MGMT: variants seen among roughly 807,000 people sequenced by gnomAD.
The protein encoded by MGMT is methylated-DNA--protein-cysteine methyltransferase.
Under a neutral mutation model 15.9 loss-of-function variants are expected in MGMT, and 14 were observed. The ratio of observed to expected loss-of-function variants is 0.88; its 90% CI spans 0.58 to 1.37. The LOEUF (loss-of-function observed/expected upper bound fraction) is 1.37. Among genes scored for constraint, MGMT ranks in the 40% most tolerant of loss-of-function variants. The pLI is 0.00. For missense variants in MGMT, 282 were observed against 268.1 expected, an observed-to-expected ratio of 1.05 and a Z score of -0.36; for synonymous variants, 130 against 118.2, an observed-to-expected ratio of 1.10 and a Z score of -0.65.
At chr10:129,512,952 G>A (rs917282831) in intron 1 of MGMT, among the ~76,000 whole-genome samples, 4 of 152,144 alleles carry the variant, frequency 2.6e-5, no homozygotes, top group Non-Finnish European at 4.4e-5. Context: ...TTGTACACTG[G>A]TGTTCATAGC....
At chr10:129,582,328 G>A (rs1564859291) in intron 2 of MGMT, among the ~76,000 whole-genome samples, 1 of 152,232 alleles carries the variant, frequency 6.6e-6, no homozygotes, top group Non-Finnish European at 1.5e-5. Context: ...CAGTGAATTA[G>A]TTCAGAGAGT....
At chr10:129,579,542 A>C (rs1021446849) in intron 2 of MGMT, among the ~76,000 whole-genome samples, 2 of 152,248 alleles carry the variant, frequency 1.3e-5, no homozygotes, top group African/African-American at 4.8e-5. Context: ...TTAAGGCAGG[A>C]CATCTTTAGG....
intron 3 of MGMT, among the ~76,000 whole-genome samples, chr10:129,742,421 C>G (rs527881745): frequency 2.0e-5 from 3 of 151,672 alleles, no homozygotes; most frequent in Non-Finnish European, 4.4e-5. Flanking sequence ...GCCCCAGGAC[C>G]GCAGCAGCCC....
intron 3 of MGMT, among the ~76,000 whole-genome samples, chr10:129,710,336 T>A (rs1848217615): frequency 6.6e-6 from 1 of 152,206 alleles, no homozygotes; most frequent in Non-Finnish European, 1.5e-5. Context: ...CGACAGCCGC[T>A]CACATCCTTC....
chr10:129,666,160 T>G (rs1024194258), intron 2 of MGMT, among the ~76,000 whole-genome samples: 2 of 152,184 alleles, frequency 1.3e-5, no homozygotes, highest in Non-Finnish European at 2.9e-5. Flanking sequence ...TATACTGGTG[T>G]TCTCTGTATT....
At chr10:129,496,519 T>G (rs566238940) in intron 1 of MGMT, among the ~76,000 whole-genome samples, 17 of 152,284 alleles carry the variant, frequency 1.1e-4, no homozygotes, top group African/African-American at 4.1e-4. Context: ...AATGTCTAAA[T>G]AAAATACTGG....
chr10:129,622,869 C>T (rs1847105782), intron 2 of MGMT, among the ~76,000 whole-genome samples: 1 of 152,172 alleles, frequency 6.6e-6, no homozygotes, highest in Non-Finnish European at 1.5e-5. Flanking sequence ...TGAGTAGCCC[C>T]TGGAATGTTG....
At chr10:129,766,644 A>G (rs1589983776) in intron 4 of MGMT, 144 bp from the exon 5 acceptor site, 2 of 689,602 alleles carry the variant, frequency 2.9e-6, no homozygotes, top group Admixed American at 3.0e-5. Context: ...CATAGCTGAC[A>G]CCCACCCATG....
chr10:129,633,119 A>C (rs1239645295), intron 2 of MGMT, among the ~76,000 whole-genome samples: 1 of 152,218 alleles, frequency 6.6e-6, no homozygotes, highest in African/African-American at 2.4e-5. Flanking sequence ...TCTTGTGACC[A>C]TATACATACA....
chr10:129,600,513 A>G (rs558098154), intron 2 of MGMT, among the ~76,000 whole-genome samples: 1 of 152,274 alleles, frequency 6.6e-6, no homozygotes, highest in Non-Finnish European at 1.5e-5. Flanking sequence ...CTGGGCAGAC[A>G]TGCCGACTGT....
At chr10:129,567,592 G>A (rs540665285) in intron 2 of MGMT, among the ~76,000 whole-genome samples, 8 of 151,752 alleles carry the variant, frequency 5.3e-5, no homozygotes, top group Non-Finnish European at 5.9e-5. Context: ...TTATTCAAGG[G>A]GAAAAAAAAC....
rs1401586024 is a variant in MGMT at position 129,566,489 on chromosome 10, GAGC to G, written c.125+30113_125+30115del. ...GTCCCACCAGGATGATGCCTATCCA[GAGC>G]TCATTGTCCTCTCCCACTTCCTCCC... On this transcript the variant is annotated intron_variant, in intron 2 of 4. Coordinates refer to ENST00000651593, the MANE Select transcript of MGMT (RefSeq NM_002412.5). This position sits in a 1 kb window ranked among gnomAD's most constrained non-coding sequence, Gnocchi z 4.1. 2.0e-5 allele frequency among the ~76,000 whole-genome samples: 3 copies of G among 152,138 alleles called. No individual in the cohort carries two copies. Among genetic ancestry groups the G allele is most frequent in the Non-Finnish European group, 2.9e-5 (2 of 68,028 alleles).
At chr10:129,608,881 G>C (rs531840807) in intron 2 of MGMT, among the ~76,000 whole-genome samples, 126 of 152,352 alleles carry the variant, frequency 8.3e-4, no homozygotes, top group African/African-American at 1.7e-3. Context: ...GCGGAGTGTG[G>C]TGACTTTTAT....
At chr10:129,585,826 A>G (rs1305587277) in intron 2 of MGMT, among the ~76,000 whole-genome samples, 1 of 152,192 alleles carries the variant, frequency 6.6e-6, no homozygotes, top group Non-Finnish European at 1.5e-5. Context: ...TTTACTTTGT[A>G]AACTAGCCCA....
chr10:129,643,153 C>T (rs1847347646), intron 2 of MGMT, among the ~76,000 whole-genome samples: 1 of 152,100 alleles, frequency 6.6e-6, no homozygotes, highest in Non-Finnish European at 1.5e-5. Context: ...TTCCCCTTCA[C>T]CTTCATCCTT....
At chr10:129,628,159 C>T (rs920843058) in intron 2 of MGMT, among the ~76,000 whole-genome samples, 3 of 152,248 alleles carry the variant, frequency 2.0e-5, no homozygotes, top group South Asian at 2.1e-4. Context: ...TGTTTTCTAC[C>T]GAAGATGCTT....
rs1302975819 is a variant in MGMT at position 129,533,583 on chromosome 10, G to C, written c.-12-2658G>C. On this transcript the variant is annotated intron_variant, in intron 1 of 4. Transcript: ENST00000651593. This position sits in a 1 kb window ranked among gnomAD's most constrained non-coding sequence, Gnocchi z 4.5. ...GCGAGAGAGCATCCAGATTTCTCACGTTGCCTCTAGAGCCCTGTTGTCTGA... is the reference window on the plus strand; with the variant it reads ...GCGAGAGAGCATCCAGATTTCTCACCTTGCCTCTAGAGCCCTGTTGTCTGA... 6.6e-6 allele frequency among the ~76,000 whole-genome samples: 1 copy of C among 152,184 alleles called. No homozygotes were observed. The highest frequency in any genetic ancestry group is 2.4e-5 in the African/African-American group (1 of 41,440).
At chr10:129,712,803 A>G (rs1364725893) in intron 3 of MGMT, among the ~76,000 whole-genome samples, 2 of 152,136 alleles carry the variant, frequency 1.3e-5, no homozygotes, top group Non-Finnish European at 2.9e-5. Context: ...AGCCAAGCAA[A>G]GGCTCATCCA....
At chr10:129,760,976 G>A (rs1033217302) in intron 4 of MGMT, among the ~76,000 whole-genome samples, 22 of 152,178 alleles carry the variant, frequency 1.4e-4, no homozygotes, top group Non-Finnish European at 2.2e-4. Context: ...TTTACGGCGC[G>A]TTGGGGGATA....
Sources: allele counts gnomAD v4.1 joint callset (sites outside exome capture counted in the v4.1 genomes callset), GRCh38; gene constraint gnomAD v4.1.1; non-coding constraint Gnocchi (gnomAD v3.1); transcripts MANE v1.5; gene names NCBI Gene and HGNC (gene_info 2026-07-23, HGNC 2026-07-21).